The following ESPNL variants were observed in gnomAD, a reference collection of about 807,000 sequenced individuals.
ESPNL encodes the protein espin-like protein.
Under a neutral mutation model 46.8 loss-of-function variants are expected in ESPNL, and 49 were observed. The observed-to-expected ratio is 1.05, with a 90% CI of 0.83 to 1.33. The LOEUF is 1.33. Among genes scored for constraint, ESPNL ranks in the 40% most tolerant of loss-of-function variants. ESPNL has a pLI of 0.00. For missense variants in ESPNL, 1,540 were observed against 1,436.6 expected, an observed-to-expected ratio of 1.07 and a Z score of -1.16; for synonymous variants, 664 against 662.1, an observed-to-expected ratio of 1.00 and a Z score of -0.04.
In ESPNL at chr2:238,130,327, A is replaced by G. The variant is rs1237692791; in HGVS notation, c.1613A>G (p.Gln538Arg). ...CTGGGCCGGTTGGCGGCTGAGCTGC[A>G]GGCCCTGCTGCCCGAGCCCCTGGTC... The part of the protein sequence containing the change: ...SELGRLAAEL[Q>R]ALLPEPLVSI... The change falls in exon 9 of 9, where the codon CAG (glutamine) becomes CGG (arginine). Residue 538 changes from glutamine (Q) to arginine (R), a missense_variant. By Grantham distance (43) the Gln-to-Arg change is conservative. Coordinates refer to ENST00000343063, the MANE Select transcript of ESPNL (RefSeq NM_194312.4). The G allele has an allele frequency of 6.2e-7, 1 of 1,607,532 alleles. No individual in the cohort carries two copies. The highest frequency in any genetic ancestry group is 1.7e-5 in the Admixed American group (1 of 59,326).
In ESPNL at chr2:238,107,944, C is replaced by T. The variant is rs1205438557; in HGVS notation, c.826C>T (p.His276Tyr). ...AGACTCCTGGGGTGGGACCCCCCTC[C>T]ACGACGCAGCAGAGAACGGGCAGAT... is the stretch of plus-strand genomic sequence containing the variant. ...LRDSWGGTPL[H>Y]DAAENGQMEC... is the part of the protein sequence containing the mutation. The change falls in exon 4 of 9, where the codon CAC becomes TAC. Residue 276 changes from histidine (H) to tyrosine (Y), a missense_variant. By Grantham distance (83) the His-to-Tyr change is moderately conservative. Coordinates refer to ENST00000343063, the MANE Select transcript of ESPNL (RefSeq NM_194312.4). 6.2e-7 allele frequency: 1 copy of T among 1,613,016 alleles called. No homozygotes were observed.
At chr2:238,115,333 GC>G (rs1340520881) in intron 4 of ESPNL, among the ~76,000 whole-genome samples, 1 of 152,240 alleles carries the variant, frequency 6.6e-6, no homozygotes, top group African/African-American at 2.4e-5. Context: ...AAGCTGACCT[GC>G]TAGCTGCGCA....
In ESPNL at chr2:238,125,374, G is replaced by A. The variant is rs761392577; in HGVS notation, c.1092G>A (p.Gly364=). 1.2e-5 allele frequency: 18 copies of A among 1,554,604 alleles called. No individual in the cohort carries two copies. The highest frequency in any genetic ancestry group is 1.5e-5 in the Non-Finnish European group (17 of 1,150,368). The part of the protein sequence containing the change: ...EDGRRGGPGP[G]NPSPMSLSPA... The stretch of plus-strand genomic sequence containing the variant: ...GAAGAAGAGGAGGCCCAGGGCCAGG[G>A]AACCCCAGCCGTGAGTGCACAGCCC... The change falls in exon 6 of 9, where the codon GGG becomes GGA. Residue 364 remains glycine (G), a synonymous_variant. Transcript: ENST00000343063.
chr2:238,126,513 T>A (rs933990866), intron 6 of ESPNL, among the ~76,000 whole-genome samples: 1 of 151,266 alleles, frequency 6.6e-6, no homozygotes, highest in Non-Finnish European at 1.5e-5. Flanking sequence ...CTGTGTGTGA[T>A]TGTGTCTATG....
In ESPNL at chr2:238,129,031, C is replaced by T. The variant is rs528772406; in HGVS notation, c.1413+127C>T. Reference sequence around the variant, plus strand: ...ACCCAGGGGCCCCTCTCCTCTGTGGCCTCAGCTGCTGCTTCCGCCGGAGGA... The same window carrying T: ...ACCCAGGGGCCCCTCTCCTCTGTGGTCTCAGCTGCTGCTTCCGCCGGAGGA... On this transcript the variant is annotated intron_variant, in intron 8 of 8. Transcript: ENST00000343063. 988 of 1,435,758 alleles carry T rather than the reference C, an allele frequency of 6.9e-4. 4 individuals are homozygous for T. The highest frequency in any genetic ancestry group is 2.8e-4 in the Non-Finnish European group (312 of 1,098,078). 88.9% of individuals were successfully genotyped at this position (1,435,758 alleles called of 1,614,324 possible).
chr2:238,126,034 C>T (rs970863222), intron 6 of ESPNL, among the ~76,000 whole-genome samples: 1 of 138,988 alleles, frequency 7.2e-6, no homozygotes, highest in African/African-American at 2.6e-5. Context: ...GTCTGTGTGT[C>T]TGTGTGATTA....
intron 3 of ESPNL, among the ~76,000 whole-genome samples, chr2:238,105,957 C>T (rs1400269773): frequency 6.6e-6 from 1 of 152,124 alleles, no homozygotes; most frequent in Non-Finnish European, 1.5e-5. Context: ...GCATGCACTG[C>T]ACCCTGTGCC....
chr2:238,123,884 G>A (rs1322126291), intron 5 of ESPNL, among the ~76,000 whole-genome samples: 1 of 152,286 alleles, frequency 6.6e-6, no homozygotes, highest in East Asian at 1.9e-4. Flanking sequence ...GCCCAGTGGG[G>A]TGAGGGTCCT....
At position 238,111,223 on chromosome 2, in the gene ESPNL, G is replaced by T. The variant is rs73098375; in HGVS notation, c.855+3250G>T. Among the ~76,000 whole-genome samples the T allele has an allele frequency of 8.5e-3, 1,293 of 152,108 alleles. 25 individuals carry two copies. Among genetic ancestry groups the T allele is most frequent in the African/African-American group, 0.029 (1,185 of 41,482 alleles). On this transcript the variant is annotated intron_variant, in intron 4 of 8. Coordinates refer to ENST00000343063, the MANE Select transcript of ESPNL (RefSeq NM_194312.4). The stretch of plus-strand genomic sequence containing the variant: ...ATTACAGGCATGAGCTACCGTGCCC[G>T]GCCTAGTTATCCTTTGAATGGTGTG...
chr2:238,101,838 TG>T, intron 1 of ESPNL, 102 bp from the exon 2 acceptor site: 1 of 790,296 alleles, frequency 1.3e-6, no homozygotes, highest in Non-Finnish European at 2.0e-6. Flanking sequence ...GCCCCTTCAC[TG>T]GGTTGCAGGC....
chr2:238,122,088 G>A (rs888055539), intron 5 of ESPNL, among the ~76,000 whole-genome samples: 2 of 152,246 alleles, frequency 1.3e-5, no homozygotes, highest in Admixed American at 6.5e-5. Context: ...CAGCGACAGC[G>A]GTCGGGGCCG....
At position 238,131,785 on chromosome 2, in the gene ESPNL, C is replaced by T; in HGVS notation, c.*53C>T. The T allele has an allele frequency of 6.6e-7, 1 of 1,525,526 alleles. No individual in the cohort carries two copies. Among genetic ancestry groups the T allele is most frequent in the African/African-American group, 1.4e-5 (1 of 72,360 alleles). The allele number at this position is 1,525,526 out of a possible 1,614,324, so 94.5% of individuals were successfully genotyped here. ...GTGGTTTGGGGGTGACTTGGAGTTTCTCTTTTCTTTTCCTTGCTCACACCC... is the reference window on the plus strand; with the variant it reads ...GTGGTTTGGGGGTGACTTGGAGTTTTTCTTTTCTTTTCCTTGCTCACACCC... On this transcript the variant is annotated 3_prime_UTR_variant, in exon 9 of 9. Transcript: ENST00000343063.
intron 6 of ESPNL, among the ~76,000 whole-genome samples, chr2:238,126,448 TTG>T (rs1389909098): frequency 2.0e-5 from 3 of 151,504 alleles, no homozygotes; most frequent in Non-Finnish European, 4.4e-5. Context: ...CAGTGTGTGA[TTG>T]TGTCTATGTG....
At position 238,131,572 on chromosome 2, in the gene ESPNL, A is replaced by C; in HGVS notation, c.2858A>C (p.His953Pro). The change falls in exon 9 of 9, where the codon CAC becomes CCC. Residue 953 changes from histidine to proline, a missense_variant. Physicochemically the swap from His to Pro is moderately conservative, Grantham distance 77. Transcript: ENST00000343063. ...CTGACCCTGCTCGGGCCCCTGCCTC[A>C]CGCCGCCGTCCCCTGCAGCGGCCCT... ...SGLTLLGPLPHAAVPCSGPEP... is the reference protein window; with the variant it reads ...SGLTLLGPLPPAAVPCSGPEP... The C allele has an allele frequency of 6.2e-7, 1 of 1,611,070 alleles. No homozygotes were observed. Among genetic ancestry groups the C allele is most frequent in the Non-Finnish European group, 8.5e-7 (1 of 1,179,008 alleles).
chr2:238,108,174 C>T (rs1167492941), intron 4 of ESPNL, among the ~76,000 whole-genome samples: 3 of 152,230 alleles, frequency 2.0e-5, no homozygotes, highest in Non-Finnish European at 2.9e-5. Flanking sequence ...TCTATGCTCT[C>T]GTCCTGCGTA....
At chr2:238,105,747 G>A (rs1691582953) in intron 3 of ESPNL, among the ~76,000 whole-genome samples, 1 of 152,140 alleles carries the variant, frequency 6.6e-6, no homozygotes, top group African/African-American at 2.4e-5. Flanking sequence ...GGGTCCTGGG[G>A]AGCCACGGAA....
intron 6 of ESPNL, among the ~76,000 whole-genome samples, chr2:238,125,885 A>G (rs1692095435): frequency 6.6e-6 from 1 of 152,116 alleles, no homozygotes; most frequent in African/African-American, 2.4e-5. Flanking sequence ...CCCTGTACTC[A>G]CATGTGGGAG....
chr2:238,119,564 A>AGGGGAGATGGAGGAGG lies in ESPNL; in HGVS notation c.987+2530_987+2531insGGGGAGATGGAGGAGG, dbSNP rs2106473242. Among the ~76,000 whole-genome samples, 2 of 97,510 alleles carry AGGGGAGATGGAGGAGG rather than the reference A, an allele frequency of 2.1e-5. 1 individual carries two copies. The highest frequency in any genetic ancestry group is 9.3e-5 in the African/African-American group (2 of 21,540). 64.0% of individuals were successfully genotyped at this position (97,510 alleles called of 152,430 possible). On this transcript the variant is annotated intron_variant, in intron 5 of 8. Transcript: ENST00000343063. ...GATGGAGGAGGTGGATGAAGGAGGAATGGATGGAGGAGGTGGATGGAGGAG... is the reference window on the plus strand; with the variant it reads ...GATGGAGGAGGTGGATGAAGGAGGAAGGGGAGATGGAGGAGGTGGATGGAGGAGGTGGATGGAGGAG...
rs780626181 is a variant in ESPNL at position 238,131,338 on chromosome 2, G to T, written c.2624G>T (p.Arg875Leu). The T allele has an allele frequency of 3.8e-6, 6 of 1,592,352 alleles. No individual in the cohort carries two copies. In the Admixed American group the frequency reaches 7.0e-5, roughly 19 times the overall value. The change falls in exon 9 of 9, where the codon CGG becomes CTG. Residue 875 changes from arginine to leucine, a missense_variant. Coordinates refer to ENST00000343063, the MANE Select transcript of ESPNL (RefSeq NM_194312.4). ...LLECDLPAEE[R>L]KLRHLLCFEV... ...GAGTGCGACCTGCCGGCGGAGGAGC[G>T]GAAGCTGCGCCACCTGCTGTGCTTC...
Sources: allele counts gnomAD v4.1 joint callset (sites outside exome capture counted in the v4.1 genomes callset), GRCh38; gene constraint gnomAD v4.1.1; transcripts MANE v1.5; gene names NCBI Gene and HGNC (gene_info 2026-07-23, HGNC 2026-07-21).